Variants in TRRAP observed in about 807,000 individuals in gnomAD.
TRRAP encodes the protein transformation/transcription domain-associated protein.
In TRRAP, 41 loss-of-function variants were observed where a neutral mutation model predicts 438.8. The ratio of observed to expected loss-of-function variants is 0.09; its 90% CI spans 0.07 to 0.12. TRRAP has a LOEUF of 0.12. TRRAP is among the 10% of genes least tolerant of loss of function. The pLI, the probability that TRRAP is intolerant of heterozygous loss-of-function variation, is 1.00. For missense variants in TRRAP, 3,122 were observed against 5,055.1 expected, an observed-to-expected ratio of 0.62 and a Z score of 11.60; for synonymous variants, 1,994 against 1,962.9, an observed-to-expected ratio of 1.02 and a Z score of -0.42.
At chr7:98,926,300 A>G (rs1554411539) in intron 22 of TRRAP, among the ~76,000 whole-genome samples, 1 of 152,238 alleles carries the variant, frequency 6.6e-6, no homozygotes, top group East Asian at 1.9e-4. Context: ...AATCCAAAGC[A>G]GGATAAATAA....
chr7:98,929,939 A>C, intron 23 of TRRAP, 50 bp from the exon 24 acceptor site: 1 of 1,577,178 alleles, frequency 6.3e-7, no homozygotes, highest in Non-Finnish European at 8.7e-7. Context: ...GGAGTTCTGC[A>C]GTTTGAGGGA....
chr7:98,918,063 G>A (rs1398485210), intron 20 of TRRAP, among the ~76,000 whole-genome samples: 2 of 151,370 alleles, frequency 1.3e-5, no homozygotes, highest in South Asian at 4.2e-4. Flanking sequence ...TGAGGCTGCA[G>A]CGAGGCATGA....
rs782365110 is a variant in TRRAP, at chr7:98,956,229, C to G, written c.6021C>G (p.Ile2007Met). ...QRLGFTPSVTIEQRRLAVDLS... is the reference protein window; with the variant it reads ...QRLGFTPSVTMEQRRLAVDLS... ...TGGGCTTCACGCCCAGTGTCACCATCGAGCAGAGGCGGCTGGCCGTGGACC... is the reference window on the plus strand; with the variant it reads ...TGGGCTTCACGCCCAGTGTCACCATGGAGCAGAGGCGGCTGGCCGTGGACC... The change falls in exon 42 of 73, where the codon ATC becomes ATG. Residue 2007 changes from isoleucine to methionine, a missense_variant. Physicochemically the swap from Ile to Met is conservative, Grantham distance 10. Around this residue, in one of 24 missense-constraint regions of TRRAP, gnomAD observed 992 missense variants for 1,281.2 expected, o/e 0.77. Coordinates refer to ENST00000456197, the MANE Select transcript of TRRAP (RefSeq NM_001375524.1). This position sits in a 1 kb window ranked among gnomAD's most constrained non-coding sequence, Gnocchi z 4.5. 1.2e-6 allele frequency: 2 copies of G among 1,614,006 alleles called. No individual in the cohort carries two copies. Among genetic ancestry groups the G allele is most frequent in the Non-Finnish European group, 1.7e-6 (2 of 1,180,036 alleles).
Position 98,967,606 on chromosome 7 carries a change from A to G in TRRAP, c.7420A>G (p.Lys2474Glu), listed in dbSNP as rs1213301018. Residue 2474 changes from lysine (K) to glutamate (E), a missense_variant, in exon 51 of 73, where the codon AAA becomes GAA. By Grantham distance (56) the Lys-to-Glu change is moderately conservative. Coordinates refer to ENST00000456197, the MANE Select transcript of TRRAP (RefSeq NM_001375524.1). ...KFFEVFDNSM[K>E]RRVYERLLYV... ...TTTCGAGGTTTTTGACAACTCCATGAAACGTCGTGTCTACGAGCGCTTGCT... is the reference window on the plus strand; with the variant it reads ...TTTCGAGGTTTTTGACAACTCCATGGAACGTCGTGTCTACGAGCGCTTGCT... 9.9e-6 allele frequency: 16 copies of G among 1,614,004 alleles called. No homozygotes were observed. The highest frequency in any genetic ancestry group is 1.4e-5 in the Non-Finnish European group (16 of 1,180,042).
chr7:98,954,354 T>A (rs1349547673), intron 40 of TRRAP, among the ~76,000 whole-genome samples: 1 of 152,264 alleles, frequency 6.6e-6, no homozygotes, highest in African/African-American at 2.4e-5. Context: ...CGGCATTATT[T>A]AATCACTGAT....
At chr7:98,999,900 T>A (rs1793838489) in intron 67 of TRRAP, 2 of 369,410 alleles carry the variant, frequency 5.4e-6, no homozygotes, top group Non-Finnish European at 9.8e-6. Flanking sequence ...GCAGCTCACC[T>A]CCTGAGCTTC....
rs547367931 is a variant in TRRAP at position 98,991,963 on chromosome 7, T to A, written c.9757-174T>A. Among the ~76,000 whole-genome samples the A allele has an allele frequency of 5.3e-4, 80 of 152,360 alleles. 1 individual carries two copies. Among genetic ancestry groups the A allele is most frequent in the African/African-American group, 1.8e-3 (76 of 41,588 alleles). On this transcript the variant is annotated intron_variant, in intron 64 of 72. Transcript: ENST00000456197. ...TTTAAAGTGAATTAAATATTTTGCC[T>A]GCTGTTGAACCTGGCCTTGTGCGTC...
chr7:98,900,014 C>T (rs567666342), intron 10 of TRRAP, among the ~76,000 whole-genome samples: 2 of 152,302 alleles, frequency 1.3e-5, no homozygotes, highest in South Asian at 2.1e-4. Flanking sequence ...CAGGCATTAC[C>T]GTGCTCAATG....
At chr7:98,963,462 T>C (rs1792009245) in intron 47 of TRRAP, among the ~76,000 whole-genome samples, 1 of 152,134 alleles carries the variant, frequency 6.6e-6, no homozygotes, top group South Asian at 2.1e-4. Context: ...TCATGGGCCC[T>C]GCCTCCCTCC....
chr7:98,955,659 A>C (rs1489532123), intron 41 of TRRAP, among the ~76,000 whole-genome samples: 3 of 151,916 alleles, frequency 2.0e-5, no homozygotes, highest in African/African-American at 7.3e-5. Flanking sequence ...TGTTGCTGGC[A>C]CCTCCTTCTC....
intron 45 of TRRAP, among the ~76,000 whole-genome samples, chr7:98,960,760 TG>T (rs1554420921): frequency 2.1e-3 from 18 of 8,706 alleles, no homozygotes; most frequent in South Asian, 0.029. Flanking sequence ...CCTGGCTTTT[TG>T]TGTGTGTGTG....
rs543646643 is a variant in TRRAP at position 98,888,899 on chromosome 7, T to C, written c.151-1436T>C. On this transcript the variant is annotated intron_variant, in intron 3 of 72. Transcript: ENST00000456197. ...TCCCCCATCTCTGAGGGCATGAATATTATGTGTTCTGTTCATTATTTTATC... is the reference window on the plus strand; with the variant it reads ...TCCCCCATCTCTGAGGGCATGAATACTATGTGTTCTGTTCATTATTTTATC... 3.3e-5 allele frequency among the ~76,000 whole-genome samples: 5 copies of C among 152,324 alleles called. No individual in the cohort carries two copies. In the East Asian group the frequency reaches 7.7e-4, roughly 23 times the overall value.
chr7:98,978,725 G>T (rs770967017), intron 57 of TRRAP, 44 bp from the exon 58 acceptor site: 3 of 1,612,924 alleles, frequency 1.9e-6, no homozygotes, highest in Non-Finnish European at 2.5e-6. Flanking sequence ...ATTCATGAGT[G>T]TGCTGGTGAT....
At chr7:98,895,022 C>G (rs367911994) in intron 6 of TRRAP, among the ~76,000 whole-genome samples, 51 of 152,068 alleles carry the variant, frequency 3.4e-4, no homozygotes, top group African/African-American at 1.2e-3. Flanking sequence ...ATAGCTTGAT[C>G]ATGTTAAGTG....
chr7:98,925,346 G>A, intron 22 of TRRAP, 83 bp downstream of exon 22: 1 of 1,545,484 alleles, frequency 6.5e-7, no homozygotes, highest in Non-Finnish European at 8.7e-7. Flanking sequence ...AGGTTTCCTG[G>A]TGCTAGGAGC....
chr7:98,896,627 AC>A (rs1178592312), intron 7 of TRRAP, among the ~76,000 whole-genome samples: 1 of 151,534 alleles, frequency 6.6e-6, no homozygotes, highest in East Asian at 1.9e-4. Context: ...CAGGTGATCC[AC>A]CCACCTCAGC....
rs376393409 is a variant in TRRAP, at chr7:98,912,075, G to T, written c.2061G>T (p.Thr687=). 5 of 1,613,946 alleles carry T rather than the reference G, an allele frequency of 3.1e-6. No individual in the cohort carries two copies. In the African/African-American group the frequency reaches 5.3e-5, roughly 17 times the overall value. ...CTACTACCTCTGCTCTGTTTGCTAC[G>T]ATTCTGGTGGAATATCTCCTTGATC... ...ANPTTSALFA[T]ILVEYLLDRL... The change falls in exon 18 of 73, where the codon ACG becomes ACT. Residue 687 remains threonine, a synonymous_variant. Coordinates refer to ENST00000456197, the MANE Select transcript of TRRAP (RefSeq NM_001375524.1).
chr7:98,966,699 G>A (rs1012529182), intron 49 of TRRAP, among the ~76,000 whole-genome samples: 18 of 151,706 alleles, frequency 1.2e-4, no homozygotes, highest in African/African-American at 4.1e-4. Context: ...AAAAAAAAAA[G>A]TTGTTAAATG....
rs752797046 is a variant in TRRAP at position 99,011,054 on chromosome 7, C to T, written c.10941C>T (p.Val3647=). The T allele has an allele frequency of 6.2e-7, 1 of 1,612,942 alleles. No homozygotes were observed. Among genetic ancestry groups the T allele is most frequent in the South Asian group, 1.1e-5 (1 of 91,026 alleles). ...QARGTQASHQ[V]LRDILKEVQS... ...TGTCACGGAGCGCTGTGTTTCAGGT[C>T]CTCCGCGACATCCTCAAGGAGGTTC... The change falls in exon 71 of 73, where the codon GTC becomes GTT. Residue 3647 remains valine (V), a splice_region_variant and synonymous_variant. Coordinates refer to ENST00000456197, the MANE Select transcript of TRRAP (RefSeq NM_001375524.1). The surrounding 1 kb of genome is among the most constrained non-coding windows in gnomAD (Gnocchi z 7.1).
Sources: gnomAD v4.1 joint callset for allele counts (sites outside exome capture counted in the v4.1 genomes callset) on GRCh38, gnomAD v4.1.1 for gene constraint, gnomAD v4.1.1 regional missense constraint, Gnocchi (gnomAD v3.1) non-coding constraint, MANE v1.5 for transcripts, NCBI Gene and HGNC (gene_info 2026-07-23, HGNC 2026-07-21) for gene names.